Variants in EPHA6 observed in about 807,000 individuals in gnomAD.
EPHA6 encodes the protein EPH receptor A6.
EPHA6 carries 50 observed loss-of-function variants against 112.0 expected under a neutral mutation model. That is an observed-to-expected ratio of 0.45 (90% CI 0.36 to 0.56). EPHA6 has a LOEUF of 0.56. EPHA6 is among the 20% of genes least tolerant of loss of function. EPHA6 has a pLI of 0.00. For missense variants in EPHA6, 1,280 were observed against 1,417.4 expected, an observed-to-expected ratio of 0.90 and a Z score of 1.56; for synonymous variants, 529 against 490.7, an observed-to-expected ratio of 1.08 and a Z score of -1.03.
chr3:97,402,783 A>T (rs550725710), intron 5 of EPHA6, among the ~76,000 whole-genome samples: 3 of 152,184 alleles, frequency 2.0e-5, no homozygotes, highest in Non-Finnish European at 4.4e-5. Flanking sequence ...ACAGCCAGAA[A>T]GAGTTTTAAA....
chr3:97,136,962 C>T (rs2075784218), intron 3 of EPHA6, among the ~76,000 whole-genome samples: 1 of 151,930 alleles, frequency 6.6e-6, no homozygotes, highest in South Asian at 2.1e-4. Flanking sequence ...TAAAAATATG[C>T]AAATCTCAAT....
rs569383686 is a variant in EPHA6 at position 96,914,634 on chromosome 3, A to AT, written c.450+47746dup. 3.3e-4 allele frequency among the ~76,000 whole-genome samples: 50 copies of AT among 152,324 alleles called. No individual in the cohort carries two copies. The East Asian group carries it at 7.5e-3, about 23-fold the overall frequency. ...ATGTTTGGCAAAGGCCAATGACAAC[A>AT]TGGCAGAGTTTAGTAGAGAAAATCC... On this transcript the variant is annotated intron_variant, in intron 2 of 17. Transcript: ENST00000389672.
chr3:97,465,195 C>T (rs939627000), intron 7 of EPHA6, among the ~76,000 whole-genome samples: 1 of 152,116 alleles, frequency 6.6e-6, no homozygotes, highest in African/African-American at 2.4e-5. Context: ...TTTACTCCCA[C>T]ATTTGTAGAT....
intron 14 of EPHA6, among the ~76,000 whole-genome samples, chr3:97,712,356 G>A (rs972769885): frequency 2.6e-5 from 4 of 152,012 alleles, no homozygotes; most frequent in Admixed American, 2.0e-4. Flanking sequence ...GATAAGAGTG[G>A]GAATAGTATT....
chr3:97,462,049 A>G (rs896187019), intron 7 of EPHA6, among the ~76,000 whole-genome samples: 1 of 152,196 alleles, frequency 6.6e-6, no homozygotes. Flanking sequence ...CAGACAACAT[A>G]GGACAGTGGT....
At chr3:96,891,486 A>G (rs1437332931) in intron 2 of EPHA6, among the ~76,000 whole-genome samples, 1 of 152,046 alleles carries the variant, frequency 6.6e-6, no homozygotes, top group East Asian at 1.9e-4. Flanking sequence ...CGAGATGGGC[A>G]GATCACTTGA....
In EPHA6 at chr3:97,408,729, A is replaced by G. The variant is rs1247459814; in HGVS notation, c.1731+3455A>G. Among the ~76,000 whole-genome samples the G allele has an allele frequency of 2.0e-5, 3 of 152,008 alleles. No individual in the cohort carries two copies. The East Asian group carries it at 5.8e-4, about 30-fold the overall frequency. On this transcript the variant is annotated intron_variant, in intron 6 of 17. Transcript: ENST00000389672. Reference sequence around the variant, plus strand: ...CTCTGGGGTCTCTTTCATAAGGGCAATAATTCCATTCATGAGGGCTCCACC... The same window carrying G: ...CTCTGGGGTCTCTTTCATAAGGGCAGTAATTCCATTCATGAGGGCTCCACC...
At chr3:97,541,994 G>C (rs1481307160) in intron 11 of EPHA6, among the ~76,000 whole-genome samples, 5 of 151,776 alleles carry the variant, frequency 3.3e-5, no homozygotes, top group African/African-American at 1.2e-4. Flanking sequence ...GTGGCAAACT[G>C]AAGAACTTGG....
At chr3:96,826,103 C>G (rs1285046123) in intron 1 of EPHA6, among the ~76,000 whole-genome samples, 1 of 151,746 alleles carries the variant, frequency 6.6e-6, no homozygotes, top group Non-Finnish European at 1.5e-5. Flanking sequence ...CTTCTATAAT[C>G]TTTATACAGT....
At chr3:97,515,390 T>A (rs2092431636) in intron 10 of EPHA6, among the ~76,000 whole-genome samples, 1 of 152,214 alleles carries the variant, frequency 6.6e-6, no homozygotes, top group Admixed American at 6.5e-5. Flanking sequence ...TCATATTTTA[T>A]AGATAAAGGA....
At chr3:97,705,000 A>C (rs1408700052) in intron 14 of EPHA6, among the ~76,000 whole-genome samples, 1 of 152,174 alleles carries the variant, frequency 6.6e-6, no homozygotes, top group Non-Finnish European at 1.5e-5. Flanking sequence ...GTGATGTAAA[A>C]TAAAAATAAC....
intron 7 of EPHA6, among the ~76,000 whole-genome samples, chr3:97,450,471 C>A (rs2090489075): frequency 6.6e-6 from 1 of 151,912 alleles, no homozygotes; most frequent in African/African-American, 2.4e-5. Context: ...GAGAAATGCA[C>A]TCTCAGATAA....
In EPHA6 at chr3:97,392,543, A is replaced by G. The variant is rs376578341; in HGVS notation, c.1607-12607A>G. ...TATTTTTTTGTAACTTGTTTTTGACATTTTACATATTATGCTTATTTTTGT... is the reference window on the plus strand; with the variant it reads ...TATTTTTTTGTAACTTGTTTTTGACGTTTTACATATTATGCTTATTTTTGT... On this transcript the variant is annotated intron_variant, in intron 5 of 17. Transcript: ENST00000389672. 1.4e-4 allele frequency among the ~76,000 whole-genome samples: 21 copies of G among 151,682 alleles called. No individual in the cohort carries two copies. In the East Asian group the frequency reaches 4.0e-3, roughly 29 times the overall value.
intron 5 of EPHA6, among the ~76,000 whole-genome samples, chr3:97,324,633 G>A (rs769958752): frequency 1.3e-5 from 2 of 151,578 alleles, no homozygotes; most frequent in African/African-American, 2.4e-5. Flanking sequence ...CCACCTCCTG[G>A]GTTCAAGCAG....
chr3:97,185,208 G>A (rs1229597779), intron 3 of EPHA6, among the ~76,000 whole-genome samples: 1 of 152,148 alleles, frequency 6.6e-6, no homozygotes, highest in Non-Finnish European at 1.5e-5. Flanking sequence ...AGCCAAAATT[G>A]ACAAACGGGA....
intron 11 of EPHA6, among the ~76,000 whole-genome samples, chr3:97,572,017 C>T (rs529430327): frequency 1.3e-5 from 2 of 152,238 alleles, no homozygotes; most frequent in African/African-American, 4.8e-5. Context: ...CCTCAGTCAG[C>T]ATTCTATGTA....
intron 16 of EPHA6, among the ~76,000 whole-genome samples, chr3:97,740,407 G>C (rs2035450674): frequency 6.6e-6 from 1 of 152,100 alleles, no homozygotes; most frequent in South Asian, 2.1e-4. Flanking sequence ...GGCATCCCAG[G>C]ACGGGCAGCA....
intron 2 of EPHA6, among the ~76,000 whole-genome samples, chr3:96,875,736 T>TAC (rs1317327976): frequency 1.3e-5 from 2 of 151,582 alleles, no homozygotes; most frequent in South Asian, 2.1e-4. Flanking sequence ...TAATACACAT[T>TAC]ACACACACAC....
chr3:97,417,116 T>TTTC (rs1312217061), intron 6 of EPHA6, among the ~76,000 whole-genome samples: 2 of 152,198 alleles, frequency 1.3e-5, no homozygotes, highest in African/African-American at 2.4e-5. Flanking sequence ...ATGAAATGTA[T>TTTC]TTCTTAAAAC....
Sources: allele counts gnomAD v4.1 joint callset (sites outside exome capture counted in the v4.1 genomes callset), GRCh38; gene constraint gnomAD v4.1.1; transcripts MANE v1.5; gene names NCBI Gene and HGNC (gene_info 2026-07-23, HGNC 2026-07-21).